Variants in SH3RF1 observed in about 807,000 individuals in gnomAD.
The protein encoded by SH3RF1 is E3 ubiquitin-protein ligase SH3RF1.
SH3RF1 carries 32 observed loss-of-function variants against 74.0 expected under a neutral mutation model. The observed-to-expected ratio is 0.43, with a 90% CI of 0.33 to 0.58. The LOEUF (loss-of-function observed/expected upper bound fraction) is 0.58. Ranked by LOEUF, SH3RF1 falls within the 20% of genes least tolerant of loss-of-function variation. The probability of loss-of-function intolerance (pLI) is 0.05; values close to 1 mark genes in which losing one functional copy is unlikely to be tolerated. For missense variants in SH3RF1, 954 were observed against 1,130.9 expected (o/e 0.84, Z 2.24); for synonymous variants, 396 against 439.6 (o/e 0.90, Z 1.24).
chr4:169,097,094 A>AG (rs1047520181), intron 11 of SH3RF1, among the ~76,000 whole-genome samples: 1 of 152,254 alleles, frequency 6.6e-6, no homozygotes, highest in African/African-American at 2.4e-5. Context: ...GTAGCTGAGC[A>AG]GGGGGGGTTC....
chr4:169,200,416 A>G (rs934475788), intron 2 of SH3RF1, among the ~76,000 whole-genome samples: 1 of 152,228 alleles, frequency 6.6e-6, no homozygotes, highest in Non-Finnish European at 1.5e-5. Context: ...ATATAAAAAT[A>G]AAATCTCCAC....
At chr4:169,209,256 T>C (rs1306458015) in intron 2 of SH3RF1, among the ~76,000 whole-genome samples, 9 of 148,860 alleles carry the variant, frequency 6.0e-5, no homozygotes, top group African/African-American at 2.2e-4. Context: ...GCCACTGCAC[T>C]CCAGCCTGAG....
intron 6 of SH3RF1, among the ~76,000 whole-genome samples, chr4:169,124,157 T>C (rs1733487212): frequency 6.6e-6 from 1 of 152,234 alleles, no homozygotes; most frequent in Non-Finnish European, 1.5e-5. Flanking sequence ...ACCACTTCAC[T>C]GATTTCCATT....
intron 2 of SH3RF1, among the ~76,000 whole-genome samples, chr4:169,200,919 C>T (rs1032164175): frequency 2.6e-5 from 4 of 151,966 alleles, no homozygotes; most frequent in Non-Finnish European, 5.9e-5. Flanking sequence ...AATACTTGGC[C>T]CTTTCAAAGT....
chr4:169,141,318 T>C (rs567492446), intron 4 of SH3RF1, among the ~76,000 whole-genome samples: 1 of 152,348 alleles, frequency 6.6e-6, no homozygotes, highest in South Asian at 2.1e-4. Context: ...TAATATTTCA[T>C]GAACATCTTT....
At position 169,107,209 on chromosome 4, in the gene SH3RF1, G is replaced by GA. The variant is rs138002946; in HGVS notation, c.2140-5dup. On this transcript the variant is annotated splice_polypyrimidine_tract_variant and splice_region_variant and intron_variant, in intron 10 of 11. Coordinates refer to ENST00000284637, the MANE Select transcript of SH3RF1 (RefSeq NM_020870.4). ...TCAACAAACCCTTTTTTTCTTTCTG[G>GA]AAAAAAAAAATAATGAGCCTTAGTT... The GA allele has an allele frequency of 1.8e-3, 2,444 of 1,383,202 alleles. No individual in the cohort carries two copies. Among genetic ancestry groups the GA allele is most frequent in the South Asian group, 2.8e-3 (184 of 66,342 alleles). 85.7% of individuals were successfully genotyped at this position (1,383,202 alleles called of 1,614,324 possible). A position where few individuals can be genotyped will look rare whatever the true frequency, so the allele number is the denominator to read the frequency against.
At chr4:169,162,010 T>A (rs1734156395) in intron 2 of SH3RF1, among the ~76,000 whole-genome samples, 1 of 152,072 alleles carries the variant, frequency 6.6e-6, no homozygotes, top group Admixed American at 6.6e-5. Context: ...GCAAAACTCA[T>A]CTCTATAAAA....
At chr4:169,148,846 T>C (rs1204080771) in intron 4 of SH3RF1, among the ~76,000 whole-genome samples, 1 of 152,174 alleles carries the variant, frequency 6.6e-6, no homozygotes, top group Non-Finnish European at 1.5e-5. Flanking sequence ...GACAAAGAAA[T>C]ATCCCTGATG....
intron 10 of SH3RF1, among the ~76,000 whole-genome samples, chr4:169,109,094 C>T (rs1398021748): frequency 2.0e-5 from 3 of 152,204 alleles, no homozygotes; most frequent in South Asian, 2.1e-4. Context: ...CAAGAGATGA[C>T]ATGCAAAAGA....
chr4:169,107,339 G>C, intron 10 of SH3RF1, 134 bp from the exon 11 acceptor site: 1 of 643,486 alleles, frequency 1.6e-6, no homozygotes, highest in Non-Finnish European at 2.5e-6. Context: ...TAGGTATATG[G>C]GGCCTTATGG....
chr4:169,134,283 G>C (rs1363724805), intron 5 of SH3RF1, among the ~76,000 whole-genome samples: 2 of 152,132 alleles, frequency 1.3e-5, no homozygotes, highest in Non-Finnish European at 2.9e-5. Flanking sequence ...TAAGCTACTT[G>C]AACCAAAACA....
chr4:169,233,571 A>G (rs866442694), intron 2 of SH3RF1, among the ~76,000 whole-genome samples: 99 of 152,202 alleles, frequency 6.5e-4, no homozygotes, highest in African/African-American at 2.1e-3. Context: ...TAACTCATTG[A>G]TAAACACGAA....
intron 2 of SH3RF1, among the ~76,000 whole-genome samples, chr4:169,222,623 G>A (rs904272035): frequency 6.6e-6 from 1 of 151,528 alleles, no homozygotes; most frequent in African/African-American, 2.4e-5. Flanking sequence ...GATAAATACT[G>A]TAACAAAATA....
At chr4:169,182,864 A>G (rs908489322) in intron 2 of SH3RF1, among the ~76,000 whole-genome samples, 2 of 152,234 alleles carry the variant, frequency 1.3e-5, no homozygotes, top group African/African-American at 2.4e-5. Flanking sequence ...ACCAAAAAAA[A>G]AAGGAGAAAG....
intron 2 of SH3RF1, among the ~76,000 whole-genome samples, chr4:169,186,589 T>C (rs1456221205): frequency 1.3e-5 from 2 of 151,564 alleles, no homozygotes; most frequent in Non-Finnish European, 2.9e-5. Context: ...ATAAAATTTC[T>C]ACAGATACAA....
At chr4:169,164,077 G>C (rs1734193264) in intron 2 of SH3RF1, among the ~76,000 whole-genome samples, 1 of 152,190 alleles carries the variant, frequency 6.6e-6, no homozygotes, top group Admixed American at 6.5e-5. Flanking sequence ...CAAGTCTAGA[G>C]AAGGTGCTGC....
At chr4:169,163,728 C>CA (rs1356758400) in intron 2 of SH3RF1, among the ~76,000 whole-genome samples, 11 of 152,246 alleles carry the variant, frequency 7.2e-5, no homozygotes, top group African/African-American at 2.4e-4. Flanking sequence ...GCAAGCAAAC[C>CA]AGTCTGCTGT....
intron 2 of SH3RF1, among the ~76,000 whole-genome samples, chr4:169,195,025 T>C (rs1734787136): frequency 6.6e-6 from 1 of 152,240 alleles, no homozygotes; most frequent in East Asian, 1.9e-4. Context: ...ACATTTATAG[T>C]TGCATTTTTG....
At position 169,151,160 on chromosome 4, in the gene SH3RF1, G is replaced by C. The variant is rs147247247; in HGVS notation, c.765+4320C>G. ...CATTCAACCAATATTTATTGAAAGCGTACTACAGGCGCTGTGCAAAGACCC... is the reference window on the plus strand; with the variant it reads ...CATTCAACCAATATTTATTGAAAGCCTACTACAGGCGCTGTGCAAAGACCC... On this transcript the variant is annotated intron_variant, in intron 4 of 11. Coordinates refer to ENST00000284637, the MANE Select transcript of SH3RF1 (RefSeq NM_020870.4). 1.4e-4 allele frequency among the ~76,000 whole-genome samples: 22 copies of C among 152,242 alleles called. No individual in the cohort carries two copies. In the East Asian group the frequency reaches 3.5e-3, roughly 24 times the overall value.
Sources: gnomAD v4.1 joint callset for allele counts (sites outside exome capture counted in the v4.1 genomes callset) on GRCh38, gnomAD v4.1.1 for gene constraint, MANE v1.5 for transcripts, NCBI Gene and HGNC (gene_info 2026-07-23, HGNC 2026-07-21) for gene names.